The following TTR variants were observed in gnomAD, a reference collection of about 807,000 sequenced individuals.
The protein encoded by TTR is epididymis luminal protein 111.
TTR carries 8 observed loss-of-function variants against 13.7 expected under a neutral mutation model. That is an observed-to-expected ratio of 0.58 (90% confidence interval 0.34 to 1.05). TTR has a LOEUF of 1.05. Among genes scored for constraint, TTR ranks in the 50% least tolerant of loss-of-function variants. The probability of loss-of-function intolerance (pLI) is 0.02; values close to 1 mark genes in which losing one functional copy is unlikely to be tolerated. For missense variants in TTR, 135 were observed against 185.5 expected (o/e 0.73, Z 1.58); for synonymous variants, 75 against 71.7 (o/e 1.05, Z -0.23).
In TTR at chr18:31,598,621, G is replaced by A; in HGVS notation, c.390G>A (p.Leu130=). 2 of 1,614,142 alleles carry A rather than the reference G, an allele frequency of 1.2e-6. No individual in the cohort carries two copies. Among genetic ancestry groups the A allele is most frequent in the East Asian group, 4.5e-5 (2 of 44,882 alleles). The change falls in exon 4 of 4, where the codon CTG becomes CTA. Residue 130 remains leucine, a synonymous_variant. Transcript: ENST00000237014. ...SGPRRYTIAA[L]LSPYSYSTTA... is the part of the protein sequence containing the mutation. ...CCCGCCGCTACACCATTGCCGCCCT[G>A]CTGAGCCCCTACTCCTATTCCACCA...
chr18:31,594,319 C>G (rs2073504515), intron 2 of TTR, among the ~76,000 whole-genome samples: 1 of 152,152 alleles, frequency 6.6e-6, no homozygotes, highest in African/African-American at 2.4e-5. Flanking sequence ...TTGTTGCTGG[C>G]AAAGAGTTAT....
intron 3 of TTR, 175 bp from the exon 4 acceptor site, chr18:31,598,393 C>T: frequency 1.4e-6 from 1 of 738,324 alleles, no homozygotes; most frequent in South Asian, 1.5e-5. Context: ...TGCATGGTTC[C>T]AAAGGCTTAG....
Position 31,595,165 on chromosome 18 carries a change from G to A in TTR, c.246G>A (p.Glu82=). 6.2e-7 allele frequency: 1 copy of A among 1,614,122 alleles called. No individual in the cohort carries two copies. Among genetic ancestry groups the A allele is most frequent in the South Asian group, 1.1e-5 (1 of 91,082 alleles). Reference sequence around the variant, plus strand: ...AGCTGCATGGGCTCACAACTGAGGAGGAATTTGTAGAAGGGATATACAAAG... The same window carrying A: ...AGCTGCATGGGCTCACAACTGAGGAAGAATTTGTAGAAGGGATATACAAAG... ...SGELHGLTTE[E]EFVEGIYKVE... is the part of the protein sequence containing the mutation. Residue 82 remains glutamate, a synonymous_variant, in exon 3 of 4, where the codon GAG becomes GAA. Transcript: ENST00000237014.
At position 31,595,263 on chromosome 18, in the gene TTR, T is replaced by C. The variant is rs1176464590; in HGVS notation, c.336+8T>C. 1.2e-6 allele frequency: 2 copies of C among 1,614,044 alleles called. No homozygotes were observed. Among genetic ancestry groups the C allele is most frequent in the East Asian group, 2.2e-5 (1 of 44,890 alleles). On this transcript the variant is annotated splice_region_variant and intron_variant, in intron 3 of 3. Coordinates refer to ENST00000237014, the MANE Select transcript of TTR (RefSeq NM_000371.4). ...TTCCATGAGCATGCAGAGGTGAGTA[T>C]ACAGACCTTCGAGGGTTGTTTTGGT...
chr18:31,594,982 C>T (rs2073509142), intron 2 of TTR, 138 bp from the exon 3 acceptor site: 1 of 1,018,180 alleles, frequency 9.8e-7, no homozygotes, highest in Non-Finnish European at 1.5e-6. Context: ...GTTTTCCCTA[C>T]TTCTGACTTA....
chr18:31,591,954 T>C lies in TTR; in HGVS notation c.52T>C (p.Ser18Pro). The C allele has an allele frequency of 6.2e-7, 1 of 1,614,188 alleles. No homozygotes were observed. The highest frequency in any genetic ancestry group is 8.5e-7 in the Non-Finnish European group (1 of 1,180,024). ...CTGCCTTGCTGGACTGGTATTTGTGTCTGAGGCTGGCCCTACGGTGAGTGT... is the reference window on the plus strand; with the variant it reads ...CTGCCTTGCTGGACTGGTATTTGTGCCTGAGGCTGGCCCTACGGTGAGTGT... The part of the protein sequence containing the change: ...LLCLAGLVFV[S>P]EAGPTGTGES... The change falls in exon 1 of 4, where the codon TCT (serine) becomes CCT (proline). Residue 18 changes from serine (S) to proline (P), a missense_variant. By Grantham distance (74) the Ser-to-Pro change is moderately conservative (BLOSUM62 -1). Coordinates refer to ENST00000237014, the MANE Select transcript of TTR (RefSeq NM_000371.4).
intron 1 of TTR, among the ~76,000 whole-genome samples, chr18:31,592,571 A>C (rs1315098846): frequency 6.6e-6 from 1 of 152,228 alleles, no homozygotes; most frequent in Admixed American, 6.5e-5. Context: ...TGTATGGTAC[A>C]TTACATCTTT....
At chr18:31,594,149 A>G (rs2073503161) in intron 2 of TTR, among the ~76,000 whole-genome samples, 1 of 152,208 alleles carries the variant, frequency 6.6e-6, no homozygotes, top group Admixed American at 6.5e-5. Flanking sequence ...AGGACAAAAA[A>G]AAAAAGAAGT....
chr18:31,594,085 A>T (rs2073502699), intron 2 of TTR, among the ~76,000 whole-genome samples: 1 of 152,202 alleles, frequency 6.6e-6, no homozygotes, highest in Non-Finnish European at 1.5e-5. Context: ...TAAGGGAGAG[A>T]CAGAATGGAC....
intron 2 of TTR, among the ~76,000 whole-genome samples, chr18:31,594,675 C>A (rs2073506762): frequency 1.3e-5 from 2 of 152,210 alleles, no homozygotes; most frequent in South Asian, 4.1e-4. Flanking sequence ...ACCAGCCTGG[C>A]CAACATGGCA....
chr18:31,591,911 T>C lies in TTR; in HGVS notation c.9T>C (p.Ser3=), dbSNP rs1598843600. MA[S]HRLLLLCLAG... ...CACTCATTCTTGGCAGGATGGCTTC[T>C]CATCGTCTGCTCCTCCTCTGCCTTG... Residue 3 remains serine, a synonymous_variant, in exon 1 of 4, where the codon TCT becomes TCC. Coordinates refer to ENST00000237014, the MANE Select transcript of TTR (RefSeq NM_000371.4). 2 of 1,614,206 alleles carry C rather than the reference T, an allele frequency of 1.2e-6. No homozygotes were observed.
Position 31,595,160 on chromosome 18 carries a change from G to C in TTR, c.241G>C (p.Glu81Gln). Residue 81 changes from glutamate to glutamine, a missense_variant, in exon 3 of 4, where the codon GAG becomes CAG. Coordinates refer to ENST00000237014, the MANE Select transcript of TTR (RefSeq NM_000371.4). ...TGGAGAGCTGCATGGGCTCACAACT[G>C]AGGAGGAATTTGTAGAAGGGATATA... is the stretch of plus-strand genomic sequence containing the variant. ...ESGELHGLTT[E>Q]EEFVEGIYKV... 1 of 1,614,172 alleles carries C rather than the reference G, an allele frequency of 6.2e-7. No homozygotes were observed. Among genetic ancestry groups the C allele is most frequent in the Non-Finnish European group, 8.5e-7 (1 of 1,180,026 alleles).
chr18:31,595,159 T>G lies in TTR; in HGVS notation c.240T>G (p.Thr80=). 2 of 1,614,142 alleles carry G rather than the reference T, an allele frequency of 1.2e-6. No homozygotes were observed. The highest frequency in any genetic ancestry group is 1.7e-6 in the Non-Finnish European group (2 of 1,180,022). The part of the protein sequence containing the change: ...SESGELHGLT[T]EEEFVEGIYK... ...CTGGAGAGCTGCATGGGCTCACAACTGAGGAGGAATTTGTAGAAGGGATAT... is the reference window on the plus strand; with the variant it reads ...CTGGAGAGCTGCATGGGCTCACAACGGAGGAGGAATTTGTAGAAGGGATAT... The change falls in exon 3 of 4, where the codon ACT becomes ACG. Residue 80 remains threonine, a synonymous_variant. Coordinates refer to ENST00000237014, the MANE Select transcript of TTR (RefSeq NM_000371.4).
At chr18:31,592,101 TA>T (rs1443308133) in intron 1 of TTR, 130 bp downstream of exon 1, 6 of 903,546 alleles carry the variant, frequency 6.6e-6, no homozygotes, top group Non-Finnish European at 8.8e-6. Flanking sequence ...ATTTTTAATA[TA>T]ATTAATTCAA....
chr18:31,593,326 A>C, intron 2 of TTR: 1 of 355,308 alleles, frequency 2.8e-6, no homozygotes, highest in Non-Finnish European at 5.4e-6. Context: ...GTAGGTGATG[A>C]AAAGTAAACA....
At chr18:31,593,717 C>G (rs1080093) in intron 2 of TTR, among the ~76,000 whole-genome samples, 73,826 of 152,028 alleles carry the variant, frequency 0.49, 19,782 homozygotes, top group African/African-American at 0.73. Context: ...GACTTCATGT[C>G]CAAGAGTGGC....
chr18:31,596,983 AT>A (rs1254347808), intron 3 of TTR, among the ~76,000 whole-genome samples: 1 of 152,108 alleles, frequency 6.6e-6, no homozygotes, highest in African/African-American at 2.4e-5. Flanking sequence ...GTCATAGTAG[AT>A]TTACCAAGGG....
intron 3 of TTR, among the ~76,000 whole-genome samples, chr18:31,596,637 T>C (rs2073518029): frequency 6.6e-6 from 1 of 151,790 alleles, no homozygotes; most frequent in South Asian, 2.1e-4. Flanking sequence ...CTTCCTTGTC[T>C]GCTCTTCATT....
At chr18:31,597,680 A>G (rs867439368) in intron 3 of TTR, among the ~76,000 whole-genome samples, 10 of 152,346 alleles carry the variant, frequency 6.6e-5, no homozygotes, top group African/African-American at 2.2e-4. Flanking sequence ...AAATAAATCA[A>G]ATTAAACACA....
Sources: gnomAD v4.1 joint callset for allele counts (sites outside exome capture counted in the v4.1 genomes callset) on GRCh38, gnomAD v4.1.1 for gene constraint, MANE v1.5 for transcripts, NCBI Gene and HGNC (gene_info 2026-07-23, HGNC 2026-07-21) for gene names.